CEP128: variants seen among roughly 807,000 people sequenced by gnomAD.
CEP128 encodes the protein centrosomal protein 128.
Under a neutral mutation model 156.7 loss-of-function variants are expected in CEP128, and 132 were observed. That is an observed-to-expected ratio of 0.84 (90% CI 0.73 to 0.97). CEP128 has a LOEUF of 0.97. Ranked by LOEUF, CEP128 falls within the 50% of genes least tolerant of loss-of-function variation. The probability of loss-of-function intolerance (pLI) is 0.00; values close to 1 mark genes in which losing one functional copy is unlikely to be tolerated. For missense variants in CEP128, 1,252 were observed against 1,281.9 expected (o/e 0.98, Z 0.36); for synonymous variants, 469 against 448.9 (o/e 1.04, Z -0.57).
At chr14:80,568,369 A>G (rs1440193710) in intron 20 of CEP128, among the ~76,000 whole-genome samples, 1 of 152,188 alleles carries the variant, frequency 6.6e-6, no homozygotes, top group Non-Finnish European at 1.5e-5. Context: ...GCTACAAGTA[A>G]ATAGTCCACC....
chr14:80,629,695 G>A (rs887917932), intron 19 of CEP128, among the ~76,000 whole-genome samples: 1 of 151,876 alleles, frequency 6.6e-6, no homozygotes, highest in Admixed American at 6.6e-5. Flanking sequence ...TTTCTATGTG[G>A]TTTTTATTGT....
intron 9 of CEP128, among the ~76,000 whole-genome samples, chr14:80,847,054 A>G (rs1886642982): frequency 1.3e-5 from 2 of 152,206 alleles, no homozygotes; most frequent in South Asian, 4.1e-4. Flanking sequence ...AAATTCAAGT[A>G]TCAAGTACAA....
At chr14:80,485,408 T>C (rs1010181631) in intron 14 of CEP128, among the ~76,000 whole-genome samples, 3 of 152,092 alleles carry the variant, frequency 2.0e-5, no homozygotes, top group Admixed American at 6.5e-5. Flanking sequence ...CATTCCTTTT[T>C]CTGAGAAGAG....
intron 14 of CEP128, among the ~76,000 whole-genome samples, chr14:80,483,899 G>A (rs1008127439): frequency 2.0e-5 from 3 of 152,096 alleles, no homozygotes; most frequent in African/African-American, 7.2e-5. Context: ...TTCTGATTCT[G>A]GATAAAATAC....
intron 23 of CEP128, among the ~76,000 whole-genome samples, chr14:80,507,590 T>C (rs1888038852): frequency 1.3e-5 from 2 of 152,118 alleles, no homozygotes; most frequent in African/African-American, 2.4e-5. Context: ...GAGAAAAGCA[T>C]AATAAATGGT....
chr14:80,846,186 T>C (rs1886592573), intron 9 of CEP128, among the ~76,000 whole-genome samples: 1 of 152,178 alleles, frequency 6.6e-6, no homozygotes, highest in Admixed American at 6.6e-5. Flanking sequence ...TAATTTGAGA[T>C]CTAGTAATAT....
At chr14:80,794,730 A>G (rs1049830443) in intron 13 of CEP128, among the ~76,000 whole-genome samples, 14 of 152,168 alleles carry the variant, frequency 9.2e-5, no homozygotes, top group African/African-American at 3.4e-4. Flanking sequence ...AACTCTAATT[A>G]GGGAGGTATT....
intron 19 of CEP128, among the ~76,000 whole-genome samples, chr14:80,678,012 T>A (rs2139227907): frequency 7.1e-6 from 1 of 140,504 alleles, no homozygotes; most frequent in African/African-American, 2.8e-5. Context: ...CTATCCAACC[T>A]CTACTTTCAA....
At chr14:80,711,878 T>C (rs1473329461) in intron 19 of CEP128, among the ~76,000 whole-genome samples, 1 of 152,048 alleles carries the variant, frequency 6.6e-6, no homozygotes, top group East Asian at 1.9e-4. Context: ...AAAAAGAATG[T>C]AAAAAATAAA....
At chr14:80,694,780 A>T (rs1446375037) in intron 19 of CEP128, among the ~76,000 whole-genome samples, 1 of 152,046 alleles carries the variant, frequency 6.6e-6, no homozygotes. Context: ...GGGGAGCATT[A>T]TCATAAATAC....
At chr14:80,510,807 G>GT (rs1431515517) in intron 23 of CEP128, among the ~76,000 whole-genome samples, 31 of 151,276 alleles carry the variant, frequency 2.0e-4, no homozygotes, top group African/African-American at 6.8e-4. Flanking sequence ...TTTTTTGAGG[G>GT]GTTTTTTTTT....
chr14:80,609,122 C>T (rs184943199), intron 19 of CEP128, among the ~76,000 whole-genome samples: 1 of 152,234 alleles, frequency 6.6e-6, no homozygotes, highest in East Asian at 1.9e-4. Flanking sequence ...TTATAAATTT[C>T]TACAGTAGAG....
At chr14:80,506,333 C>T (rs1354526526) in intron 23 of CEP128, among the ~76,000 whole-genome samples, 1 of 73,312 alleles carries the variant, frequency 1.4e-5, no homozygotes, top group East Asian at 4.5e-4. Context: ...GGATTTGAAA[C>T]TCTTTTTTTT....
intron 2 of CEP128, among the ~76,000 whole-genome samples, chr14:80,917,535 GT>G (rs555806494): frequency 0.011 from 1,653 of 152,024 alleles, 21 homozygotes; most frequent in Non-Finnish European, 0.018. Context: ...TTTTTGTTTT[GT>G]TTTCTTTTGT....
intron 19 of CEP128, among the ~76,000 whole-genome samples, chr14:80,681,681 G>A (rs1414895747): frequency 3.3e-5 from 5 of 152,218 alleles, no homozygotes; most frequent in African/African-American, 1.2e-4. Context: ...GCCGCCTTAT[G>A]AAGAAGGTTT....
intron 23 of CEP128, among the ~76,000 whole-genome samples, chr14:80,507,779 A>G (rs1888047695): frequency 6.6e-6 from 1 of 152,196 alleles, no homozygotes; most frequent in South Asian, 2.1e-4. Flanking sequence ...CTACCAGAGG[A>G]AGGATGAATT....
intron 23 of CEP128, among the ~76,000 whole-genome samples, chr14:80,515,584 G>A: frequency 6.6e-6 from 1 of 152,134 alleles, no homozygotes; most frequent in East Asian, 1.9e-4. Flanking sequence ...GGTGAATGCT[G>A]CCAGGCCTGG....
intron 23 of CEP128, among the ~76,000 whole-genome samples, chr14:80,516,507 C>T (rs890472854): frequency 6.6e-6 from 1 of 152,174 alleles, no homozygotes; most frequent in Admixed American, 6.5e-5. Context: ...TGGCTCCAAG[C>T]CCAGCATAGT....
chr14:80,589,827 A>C (rs929576906), intron 19 of CEP128, among the ~76,000 whole-genome samples: 6 of 152,146 alleles, frequency 3.9e-5, no homozygotes, highest in African/African-American at 1.4e-4. Context: ...AAGTATTTTT[A>C]AAATAATGAC....
Sources: gnomAD v4.1 joint callset for allele counts (sites outside exome capture counted in the v4.1 genomes callset) on GRCh38, gnomAD v4.1.1 for gene constraint, MANE v1.5 for transcripts, NCBI Gene and HGNC (gene_info 2026-07-23, HGNC 2026-07-21) for gene names.